PRCC: variants seen among roughly 807,000 people sequenced by gnomAD.
The protein encoded by PRCC is proline-rich protein PRCC.
Under a neutral mutation model 44.0 loss-of-function variants are expected in PRCC, and 10 were observed. The ratio of observed to expected loss-of-function variants is 0.23; its 90% CI spans 0.14 to 0.39. PRCC has a LOEUF of 0.39. Among genes scored for constraint, PRCC ranks in the 10% least tolerant of loss-of-function variants. PRCC has a pLI of 1.00. For synonymous variants in PRCC, 278 were observed against 259.5 expected (o/e 1.07, Z -0.69); for missense variants, 573 against 624.7 (o/e 0.92, Z 0.88).
At chr1:156,772,037 T>G (rs1246312818) in intron 1 of PRCC, among the ~76,000 whole-genome samples, 1 of 152,234 alleles carries the variant, frequency 6.6e-6, no homozygotes, top group Non-Finnish European at 1.5e-5. Context: ...TTTTGTATTT[T>G]TAGTAGAGAT....
rs1389387806 is a variant in PRCC at position 156,787,108 on chromosome 1, G to T, written c.1017G>T (p.Gly339=). Residue 339 remains glycine (G), a synonymous_variant, in exon 3 of 7, where the codon GGG becomes GGT. Transcript: ENST00000271526. ...GGGCCCCTTGGATGCCTAAGCCTGGGGACGACTACAGCTACAATCAGTTTT... is the reference window on the plus strand; with the variant it reads ...GGGCCCCTTGGATGCCTAAGCCTGGTGACGACTACAGCTACAATCAGTTTT... The part of the protein sequence containing the change: ...SSGAPWMPKP[G]DDYSYNQFST... 1.2e-6 allele frequency: 2 copies of T among 1,614,042 alleles called. No individual in the cohort carries two copies. Among genetic ancestry groups the T allele is most frequent in the Non-Finnish European group, 1.7e-6 (2 of 1,179,942 alleles).
chr1:156,783,371 C>T (rs1280437101), intron 2 of PRCC, among the ~76,000 whole-genome samples: 1 of 152,232 alleles, frequency 6.6e-6, no homozygotes, highest in African/African-American at 2.4e-5. Context: ...CTTCCCATTC[C>T]TTCCACACTT....
At position 156,768,159 on chromosome 1, in the gene PRCC, G is replaced by A. The variant is rs1324173475; in HGVS notation, c.388G>A (p.Gly130Ser). The part of the protein sequence containing the change: ...LNLPPPIGGA[G>S]PPLGLPKPKK... ...TCTGCCCCCTCCAATTGGCGGTGCC[G>A]GTCCCCCGCTGGGGCTTCCCAAGCC... Residue 130 changes from glycine to serine, a missense_variant, in exon 1 of 7, where the codon GGT becomes AGT. By Grantham distance (56) the Gly-to-Ser change is moderately conservative. Around this residue, in one of 4 missense-constraint regions of PRCC, gnomAD observed 245 missense variants for 188.5 expected, o/e 1.30. Transcript: ENST00000271526. 6 of 1,555,848 alleles carry A rather than the reference G, an allele frequency of 3.9e-6. No individual in the cohort carries two copies. The highest frequency in any genetic ancestry group is 1.2e-5 in the South Asian group (1 of 84,744).
chr1:156,768,115 C>T lies in PRCC; in HGVS notation c.344C>T (p.Pro115Leu), dbSNP rs983827076. 1.3e-6 allele frequency: 2 copies of T among 1,579,002 alleles called. No homozygotes were observed. The highest frequency in any genetic ancestry group is 1.7e-6 in the Non-Finnish European group (2 of 1,162,172). ...GGACTGGGATTGGGGTTGCCCTCGC[C>T]CCGAGGCCCTGGCCTCAATCTGCCC... The part of the protein sequence containing the change: ...GEGLGLGLPS[P>L]RGPGLNLPPP... Residue 115 changes from proline (P) to leucine (L), a missense_variant, in exon 1 of 7, where the codon CCC (proline) becomes CTC (leucine). Physicochemically the swap from Pro to Leu is moderately conservative, Grantham distance 98. Transcript: ENST00000271526.
In PRCC at chr1:156,794,671, C is replaced by T; in HGVS notation, c.1186C>T (p.Arg396Trp). ...GCATTTTTTTCTTTTCCAGTTTAAG[C>T]GGCTGCAGGGCAAGAGGAACCGAGG... ...ASFIDDEAFK[R>W]LQGKRNRGRE... Residue 396 changes from arginine to tryptophan, a missense_variant, in exon 5 of 7, where the codon CGG (arginine) becomes TGG (tryptophan). By Grantham distance (101) the Arg-to-Trp change is moderately radical. Coordinates refer to ENST00000271526, the MANE Select transcript of PRCC (RefSeq NM_005973.5). The T allele has an allele frequency of 2.5e-6, 4 of 1,613,856 alleles. No homozygotes were observed. Among genetic ancestry groups the T allele is most frequent in the Non-Finnish European group, 2.5e-6 (3 of 1,179,932 alleles).
intron 6 of PRCC, among the ~76,000 whole-genome samples, chr1:156,798,156 G>A (rs1652724809): frequency 6.6e-6 from 1 of 152,164 alleles, no homozygotes; most frequent in Non-Finnish European, 1.5e-5. Flanking sequence ...TGTAGCCCAG[G>A]CTATGTGTAT....
chr1:156,770,703 C>T (rs879456868), intron 1 of PRCC, among the ~76,000 whole-genome samples: 21 of 152,250 alleles, frequency 1.4e-4, no homozygotes, highest in Admixed American at 2.0e-4. Flanking sequence ...GCTGTGCCCC[C>T]TCCAGATGTA....
chr1:156,767,860 C>T lies in PRCC; in HGVS notation c.89C>T (p.Thr30Ile), dbSNP rs1403485880. 3.1e-6 allele frequency: 5 copies of T among 1,608,644 alleles called. No homozygotes were observed. The highest frequency in any genetic ancestry group is 1.3e-5 in the African/African-American group (1 of 74,866). Residue 30 changes from threonine to isoleucine, a missense_variant, in exon 1 of 7, where the codon ACA (threonine) becomes ATA (isoleucine). By Grantham distance (89) the Thr-to-Ile change is moderately conservative. Around this residue, in one of 4 missense-constraint regions of PRCC, gnomAD observed 245 missense variants for 188.5 expected, o/e 1.30. Coordinates refer to ENST00000271526, the MANE Select transcript of PRCC (RefSeq NM_005973.5). ...EPEEEEAVAP[T>I]SGPALGGLFA... Reference sequence around the variant, plus strand: ...GAGGAAGAGGAGGCGGTGGCTCCTACATCTGGGCCCGCTTTAGGGGGCTTG... The same window carrying T: ...GAGGAAGAGGAGGCGGTGGCTCCTATATCTGGGCCCGCTTTAGGGGGCTTG...
In PRCC at chr1:156,782,212, T is replaced by G. The variant is rs1652071344; in HGVS notation, c.469-70T>G. On this transcript the variant is annotated intron_variant, in intron 1 of 6. Coordinates refer to ENST00000271526, the MANE Select transcript of PRCC (RefSeq NM_005973.5). ...CCACTGTTGTCCAACCCTTCATATG[T>G]GCTATATTTAATGTGTTTCCTTTAC... The G allele has an allele frequency of 5.7e-6, 8 of 1,395,172 alleles. 2 individuals are homozygous for G. In the African/African-American group the frequency reaches 8.5e-5, roughly 15 times the overall value. The allele number at this position is 1,395,172 out of a possible 1,614,324, so 86.4% of individuals were successfully genotyped here. A position where few individuals can be genotyped will look rare whatever the true frequency, so the allele number is the denominator to read the frequency against.
Position 156,795,285 on chromosome 1 carries a change from G to GTTTTTTTTTTTTTGT in PRCC, c.1323+490_1323+491insGTTTTTTTTTTTTTT, listed in dbSNP as rs1652623764. Among the ~76,000 whole-genome samples the GTTTTTTTTTTTTTGT allele has an allele frequency of 1.7e-4, 6 of 36,056 alleles. No homozygotes were observed. In the Admixed American group the frequency reaches 2.2e-3, roughly 13 times the overall value. The allele number at this position is 36,056 out of a possible 152,430, so 23.7% of individuals were successfully genotyped here. A position where few individuals can be genotyped will look rare whatever the true frequency, so the allele number is the denominator to read the frequency against. ...CTTCCAATTGTTTTCATTTTCTGGTGTTTTTTTTTTTTTTTTTTTTTTTTC... is the reference window on the plus strand; with the variant it reads ...CTTCCAATTGTTTTCATTTTCTGGTGTTTTTTTTTTTTTGTTTTTTTTTTTTTTTTTTTTTTTTTC... On this transcript the variant is annotated intron_variant, in intron 5 of 6. Coordinates refer to ENST00000271526, the MANE Select transcript of PRCC (RefSeq NM_005973.5).
intron 1 of PRCC, among the ~76,000 whole-genome samples, chr1:156,778,550 A>G (rs1225412401): frequency 6.6e-6 from 1 of 151,554 alleles, no homozygotes; most frequent in Non-Finnish European, 1.5e-5. Flanking sequence ...AAACACCTAG[A>G]GAAGTGGAAT....
At chr1:156,769,716 CAGCCTCTCGAGT>C (rs369936694) in intron 1 of PRCC, among the ~76,000 whole-genome samples, 4,804 of 152,250 alleles carry the variant, frequency 0.032, 271 homozygotes, top group African/African-American at 0.11. Context: ...TCTCCTGCCT[CAGCCTCTCGAGT>C]AGCTGGGACT....
At chr1:156,785,591 G>C (rs368822688) in intron 2 of PRCC, among the ~76,000 whole-genome samples, 72 of 141,136 alleles carry the variant, frequency 5.1e-4, no homozygotes, top group African/African-American at 1.7e-3. Context: ...CCTATCTAAG[G>C]GGGGGAAAAA....
rs1651440647 is a variant in PRCC, at chr1:156,767,592, T to TA, written c.-180_-179insA. 7 of 639,148 alleles carry TA rather than the reference T, an allele frequency of 1.1e-5. 1 individual carries two copies. The East Asian group carries it at 1.9e-4, about 18-fold the overall frequency. 39.6% of individuals were successfully genotyped at this position (639,148 alleles called of 1,614,324 possible). Reference sequence around the variant, plus strand: ...GGAGCTTAAGTGAAGAGGTACGCCTTGTTCGGTGGAAATCAGCCGTAGCCA... The same window carrying TA: ...GGAGCTTAAGTGAAGAGGTACGCCTTAGTTCGGTGGAAATCAGCCGTAGCCA... On this transcript the variant is annotated 5_prime_UTR_variant, in exon 1 of 7. Transcript: ENST00000271526.
chr1:156,783,595 A>G (rs1652124919), intron 2 of PRCC, among the ~76,000 whole-genome samples: 1 of 151,900 alleles, frequency 6.6e-6, no homozygotes, highest in South Asian at 2.1e-4. Flanking sequence ...AAAATACGAA[A>G]ATTAGCCAGG....
At chr1:156,779,258 G>T (rs987034465) in intron 1 of PRCC, among the ~76,000 whole-genome samples, 2 of 146,188 alleles carry the variant, frequency 1.4e-5, no homozygotes, top group Admixed American at 1.4e-4. Flanking sequence ...AGGCTCAAGC[G>T]ATCCTCTCAT....
In PRCC at chr1:156,800,691, T is replaced by G; in HGVS notation, c.*231T>G. 2.2e-6 allele frequency: 1 copy of G among 461,764 alleles called. No homozygotes were observed. 28.6% of individuals were successfully genotyped at this position (461,764 alleles called of 1,614,324 possible). On this transcript the variant is annotated 3_prime_UTR_variant, in exon 7 of 7. Coordinates refer to ENST00000271526, the MANE Select transcript of PRCC (RefSeq NM_005973.5). ...ACTTGTGTGATGCCTCCGAAGGGGC[T>G]CTGAGTTCTGGGGTGGGAGTTTTGC... is the stretch of plus-strand genomic sequence containing the variant.
At position 156,786,604 on chromosome 1, in the gene PRCC, C is replaced by T. The variant is rs1652251788; in HGVS notation, c.517-4C>T. The T allele has an allele frequency of 1.2e-6, 2 of 1,605,758 alleles. No homozygotes were observed. The highest frequency in any genetic ancestry group is 8.5e-7 in the Non-Finnish European group (1 of 1,173,630). Reference sequence around the variant, plus strand: ...TCCTCCTATCCCACACCTGGGCTCACCAGGGATCCAGTGAGGGGACTGGTT... The same window carrying T: ...TCCTCCTATCCCACACCTGGGCTCATCAGGGATCCAGTGAGGGGACTGGTT... On this transcript the variant is annotated splice_region_variant and splice_polypyrimidine_tract_variant and intron_variant, in intron 2 of 6. Transcript: ENST00000271526.
chr1:156,789,798 G>A (rs1652412907), intron 3 of PRCC, among the ~76,000 whole-genome samples: 1 of 152,166 alleles, frequency 6.6e-6, no homozygotes, highest in Admixed American at 6.5e-5. Flanking sequence ...TTAGCGTGGT[G>A]GTTCCTGGAA....
Sources: allele counts gnomAD v4.1 joint callset (sites outside exome capture counted in the v4.1 genomes callset), GRCh38; gene constraint gnomAD v4.1.1; regional missense constraint gnomAD v4.1.1; transcripts MANE v1.5; gene names NCBI Gene and HGNC (gene_info 2026-07-23, HGNC 2026-07-21).